Variants in RGS7 observed in about 807,000 individuals in gnomAD.
RGS7 encodes the protein regulator of G protein signaling 7.
In RGS7, 27 loss-of-function variants were observed where a neutral mutation model predicts 81.1. That is an observed-to-expected ratio of 0.33 (90% CI 0.25 to 0.46). RGS7 has a LOEUF of 0.46. RGS7 is among the 20% of genes least tolerant of loss of function. The pLI, the probability that RGS7 is intolerant of heterozygous loss-of-function variation, is 1.00. For missense variants in RGS7, 396 were observed against 607.4 expected (o/e 0.65, Z 3.66); for synonymous variants, 208 against 207.7 (o/e 1.00, Z -0.01).
chr1:240,976,550 T>A lies in RGS7; in HGVS notation c.226+6529A>T, dbSNP rs1049394530. 2.0e-5 allele frequency among the ~76,000 whole-genome samples: 3 copies of A among 152,152 alleles called. No individual in the cohort carries two copies. In the South Asian group the frequency reaches 6.2e-4, roughly 32 times the overall value. On this transcript the variant is annotated intron_variant, in intron 4 of 18. Transcript: ENST00000440928. Reference sequence around the variant, plus strand: ...CTCTTCGTAATGTGGGTGGGCTTCATCCCATCAGCTGAAGGCCTTAAGAGA... The same window carrying A: ...CTCTTCGTAATGTGGGTGGGCTTCAACCCATCAGCTGAAGGCCTTAAGAGA...
At chr1:240,783,095 G>C (rs1045398867) in intron 18 of RGS7, among the ~76,000 whole-genome samples, 3 of 152,190 alleles carry the variant, frequency 2.0e-5, no homozygotes, top group African/African-American at 7.2e-5. Context: ...TAAGTGAACA[G>C]AGAGCATCAT....
At chr1:240,975,512 G>A (rs973958783) in intron 4 of RGS7, among the ~76,000 whole-genome samples, 7 of 152,124 alleles carry the variant, frequency 4.6e-5, no homozygotes, top group African/African-American at 1.7e-4. Flanking sequence ...ATTAGATTGA[G>A]GGTCTTAAAG....
At chr1:241,158,831 A>T (rs1273960484) in intron 2 of RGS7, among the ~76,000 whole-genome samples, 1 of 152,190 alleles carries the variant, frequency 6.6e-6, no homozygotes, top group Non-Finnish European at 1.5e-5. Flanking sequence ...TAGAAATGTG[A>T]TTTTCAATCC....
intron 2 of RGS7, chr1:241,186,343 G>T: frequency 4.9e-6 from 1 of 204,696 alleles, no homozygotes; most frequent in Non-Finnish European, 8.6e-6. Flanking sequence ...ACAAATACTG[G>T]TACATTCATA....
At chr1:241,179,708 A>G (rs988523709) in intron 2 of RGS7, among the ~76,000 whole-genome samples, 1 of 152,326 alleles carries the variant, frequency 6.6e-6, no homozygotes, top group African/African-American at 2.4e-5. Flanking sequence ...TAAAAAGCCT[A>G]TTAGTCCAAT....
intron 9 of RGS7, among the ~76,000 whole-genome samples, chr1:240,846,621 A>G (rs1246121247): frequency 2.0e-5 from 3 of 152,148 alleles, no homozygotes; most frequent in Non-Finnish European, 2.9e-5. Context: ...AGTACCCTCC[A>G]TAACAGTCCC....
intron 2 of RGS7, among the ~76,000 whole-genome samples, chr1:241,185,664 T>C (rs1425485071): frequency 6.6e-6 from 1 of 152,114 alleles, no homozygotes; most frequent in African/African-American, 2.4e-5. Flanking sequence ...AAGATCAAAA[T>C]AGAGCTCAAT....
intron 2 of RGS7, among the ~76,000 whole-genome samples, chr1:241,106,692 G>C (rs1452931285): frequency 7.0e-6 from 1 of 143,394 alleles, no homozygotes; most frequent in Non-Finnish European, 1.5e-5. Flanking sequence ...CTCCAGCCTG[G>C]GTGACAGAGC....
chr1:241,242,752 A>C (rs1337855316), intron 2 of RGS7, among the ~76,000 whole-genome samples: 1 of 151,962 alleles, frequency 6.6e-6, no homozygotes, highest in Non-Finnish European at 1.5e-5. Flanking sequence ...GATTTTTTTC[A>C]TATGTTTCTT....
At chr1:240,873,479 T>C (rs772031791) in intron 6 of RGS7, among the ~76,000 whole-genome samples, 3 of 152,168 alleles carry the variant, frequency 2.0e-5, no homozygotes, top group Non-Finnish European at 2.9e-5. Flanking sequence ...AGGCCTGAAG[T>C]GCTACTCTGG....
At chr1:241,155,577 G>GAA (rs58091813) in intron 2 of RGS7, among the ~76,000 whole-genome samples, 1 of 116,568 alleles carries the variant, frequency 8.6e-6, no homozygotes, top group Non-Finnish European at 1.9e-5. Context: ...TTGAAAAAAA[G>GAA]AAAAAAAAAA....
chr1:241,096,532 G>A (rs750833136), intron 3 of RGS7, among the ~76,000 whole-genome samples: 6 of 152,022 alleles, frequency 3.9e-5, no homozygotes, highest in South Asian at 2.1e-4. Flanking sequence ...TTACATTAAC[G>A]TGAAAAATGT....
At chr1:241,352,262 T>C (rs2083293856) in intron 2 of RGS7, among the ~76,000 whole-genome samples, 2 of 152,226 alleles carry the variant, frequency 1.3e-5, no homozygotes, top group Non-Finnish European at 2.9e-5. Flanking sequence ...TTGGAGTTAG[T>C]TGGGTCTCTT....
At chr1:241,184,505 A>C (rs1411852041) in intron 2 of RGS7, among the ~76,000 whole-genome samples, 1 of 152,194 alleles carries the variant, frequency 6.6e-6, no homozygotes, top group African/African-American at 2.4e-5. Context: ...CCAAAATCCA[A>C]AACTTTTTGA....
chr1:241,092,095 T>C (rs2063923160), intron 3 of RGS7, among the ~76,000 whole-genome samples: 1 of 152,178 alleles, frequency 6.6e-6, no homozygotes, highest in Admixed American at 6.5e-5. Context: ...CAAATAGTAT[T>C]TGATATTATT....
chr1:240,793,611 A>ATATTTT, intron 18 of RGS7, among the ~76,000 whole-genome samples: 3 of 78,808 alleles, frequency 3.8e-5, no homozygotes, highest in African/African-American at 2.9e-4. Flanking sequence ...ATATATATAT[A>ATATTTT]TTTTTTTTTT....
chr1:241,202,011 G>GACACACACAC lies in RGS7; in HGVS notation c.79-103259_79-103250dup, dbSNP rs60399497. Among the ~76,000 whole-genome samples the GACACACACAC allele has an allele frequency of 9.4e-3, 1,366 of 145,010 alleles. 26 individuals are homozygous for GACACACACAC. The highest frequency in any genetic ancestry group is 0.039 in the East Asian group (186 of 4,816). On this transcript the variant is annotated intron_variant, in intron 2 of 18. Transcript: ENST00000440928. ...CCCTGCAAACACACAGACACACACAGACACACACACACACACACACACACA... is the reference window on the plus strand; with the variant it reads ...CCCTGCAAACACACAGACACACACAGACACACACACACACACACACACACACACACACACA...
intron 6 of RGS7, among the ~76,000 whole-genome samples, chr1:240,896,817 G>A (rs111882395): frequency 0.13 from 19,427 of 152,188 alleles, 1,343 homozygotes; most frequent in Middle Eastern, 0.18. Flanking sequence ...CCAGTTCTGT[G>A]AAGAAAGTCA....
At chr1:240,899,642 G>T (rs1332026132) in intron 6 of RGS7, among the ~76,000 whole-genome samples, 3 of 152,206 alleles carry the variant, frequency 2.0e-5, no homozygotes. Flanking sequence ...TAGAGTTTCT[G>T]CTGAGAGATC....
Sources: gnomAD v4.1 joint callset for allele counts (sites outside exome capture counted in the v4.1 genomes callset) on GRCh38, gnomAD v4.1.1 for gene constraint, MANE v1.5 for transcripts, NCBI Gene and HGNC (gene_info 2026-07-23, HGNC 2026-07-21) for gene names.